CNBD1: variants seen among roughly 807,000 people sequenced by gnomAD.
The protein encoded by CNBD1 is cyclic nucleotide binding domain containing 1.
CNBD1 carries 71 observed loss-of-function variants against 54.4 expected under a neutral mutation model. That is an observed-to-expected ratio of 1.30 (90% confidence interval 1.08 to 1.59). The LOEUF is 1.59. CNBD1 is among the 40% of genes most tolerant of loss of function. The pLI, the probability that CNBD1 is intolerant of heterozygous loss-of-function variation, is 0.00. For missense variants in CNBD1, 659 were observed against 518.0 expected, an observed-to-expected ratio of 1.27 and a Z score of -2.64; for synonymous variants, 182 against 170.7, an observed-to-expected ratio of 1.07 and a Z score of -0.51.
chr8:87,227,280 A>G (rs1814523417), intron 5 of CNBD1, among the ~76,000 whole-genome samples: 2 of 146,882 alleles, frequency 1.4e-5, no homozygotes, highest in Non-Finnish European at 3.0e-5. Context: ...TGATCCTGTC[A>G]TTATGATGTT....
At chr8:87,042,230 G>C (rs968502450) in intron 4 of CNBD1, among the ~76,000 whole-genome samples, 4 of 152,158 alleles carry the variant, frequency 2.6e-5, no homozygotes, top group African/African-American at 7.2e-5. Context: ...CTTTGAATTT[G>C]TCTATTAAAT....
intron 4 of CNBD1, among the ~76,000 whole-genome samples, chr8:87,083,585 C>CTTTTT (rs752855766): frequency 1.7e-5 from 2 of 117,158 alleles, no homozygotes; most frequent in Non-Finnish European, 1.8e-5. Context: ...CAATGTATTT[C>CTTTTT]TTTTTTTTTT....
intron 4 of CNBD1, among the ~76,000 whole-genome samples, chr8:87,059,401 C>T (rs1031862219): frequency 6.6e-6 from 1 of 152,214 alleles, no homozygotes; most frequent in African/African-American, 2.4e-5. Context: ...CACCCTACTT[C>T]TGGTACAAAT....
intron 2 of CNBD1, among the ~76,000 whole-genome samples, chr8:86,904,682 G>A (rs775587021): frequency 2.1e-4 from 32 of 151,948 alleles, no homozygotes; most frequent in Non-Finnish European, 4.4e-4. Context: ...TACTGCCTGC[G>A]ATTTTAACAC....
intron 8 of CNBD1, among the ~76,000 whole-genome samples, chr8:87,316,506 G>T (rs539406122): frequency 6.6e-6 from 1 of 152,044 alleles, no homozygotes; most frequent in South Asian, 2.1e-4. Context: ...CCAAACCTAT[G>T]AAAAGTAAAA....
chr8:87,378,999 G>A (rs986286874), intron 10 of CNBD1, among the ~76,000 whole-genome samples: 3 of 149,388 alleles, frequency 2.0e-5, no homozygotes, highest in African/African-American at 7.5e-5. Context: ...TTTGCACATT[G>A]ATTTTGTAAA....
chr8:87,402,716 T>C (rs765248455), intron 2 of CNBD1, among the ~76,000 whole-genome samples: 5 of 152,074 alleles, frequency 3.3e-5, no homozygotes, highest in Admixed American at 6.6e-5. Context: ...GTTGTAATCA[T>C]CCAATTTTAA....
chr8:86,930,804 C>T (rs1464965261), intron 3 of CNBD1, among the ~76,000 whole-genome samples: 2 of 152,156 alleles, frequency 1.3e-5, no homozygotes, highest in Non-Finnish European at 2.9e-5. Context: ...TCTTACTAAG[C>T]CTTGAACTTT....
chr8:87,216,791 G>A (rs2060120), intron 5 of CNBD1, among the ~76,000 whole-genome samples: 86,368 of 151,942 alleles, frequency 0.57, 25,244 homozygotes, highest in African/African-American at 0.65. Context: ...ATAAAATTAA[G>A]CTATAGTATC....
intron 6 of CNBD1, among the ~76,000 whole-genome samples, chr8:87,255,041 G>C (rs28602182): frequency 0.29 from 43,407 of 151,892 alleles, 6,701 homozygotes; most frequent in African/African-American, 0.41. Context: ...GCCTATGTGC[G>C]AAAGAAGGGG....
intron 4 of CNBD1, among the ~76,000 whole-genome samples, chr8:87,003,899 CT>C (rs1809042272): frequency 1.3e-5 from 2 of 152,236 alleles, no homozygotes; most frequent in South Asian, 2.1e-4. Flanking sequence ...TCTCCTTTCT[CT>C]TGTACTCTAG....
At chr8:86,932,061 G>A (rs1379750796) in intron 3 of CNBD1, among the ~76,000 whole-genome samples, 1 of 152,074 alleles carries the variant, frequency 6.6e-6, no homozygotes, top group Non-Finnish European at 1.5e-5. Flanking sequence ...CCCTTTCTTT[G>A]GCTGTCATTC....
chr8:87,173,643 A>G (rs187328688), intron 4 of CNBD1, among the ~76,000 whole-genome samples: 1 of 148,586 alleles, frequency 6.7e-6, no homozygotes, highest in African/African-American at 2.5e-5. Flanking sequence ...TGCCAGACCT[A>G]TTGGAGCTCC....
At chr8:86,932,109 C>T (rs987707333) in intron 3 of CNBD1, among the ~76,000 whole-genome samples, 11 of 152,146 alleles carry the variant, frequency 7.2e-5, no homozygotes, top group African/African-American at 1.4e-4. Flanking sequence ...TCCAAAGTCT[C>T]GGGCTGCAGC....
intron 4 of CNBD1, among the ~76,000 whole-genome samples, chr8:86,960,650 C>T (rs529850922): frequency 1.5e-4 from 23 of 152,274 alleles, no homozygotes; most frequent in Admixed American, 5.9e-4. Flanking sequence ...TCTCCCAGCA[C>T]GGAGCTGGAG....
chr8:87,166,609 C>T lies in CNBD1; in HGVS notation c.432-39384C>T, dbSNP rs139737407. Among the ~76,000 whole-genome samples, 1 of 152,024 alleles carries T rather than the reference C, an allele frequency of 6.6e-6. No individual in the cohort carries two copies. The highest frequency in any genetic ancestry group is 2.4e-5 in the African/African-American group (1 of 41,514). On this transcript the variant is annotated intron_variant, in intron 4 of 10. Transcript: ENST00000518476. The surrounding 1 kb of genome is among the most constrained non-coding windows in gnomAD (Gnocchi z 4.3). ...CTCAATGTTCATTATTTCCAAAGTC[C>T]AGCCCTTCTCACAGTTCTCTGGCTC...
chr8:87,209,764 T>A (rs183423056), intron 5 of CNBD1, among the ~76,000 whole-genome samples: 7 of 152,270 alleles, frequency 4.6e-5, no homozygotes, highest in Admixed American at 2.0e-4. Flanking sequence ...CACTCTCTGA[T>A]TTCAAAATAC....
intron 4 of CNBD1, among the ~76,000 whole-genome samples, chr8:87,054,471 G>T (rs972699188): frequency 9.2e-5 from 14 of 152,102 alleles, no homozygotes; most frequent in African/African-American, 3.4e-4. Context: ...GAATCTCCCT[G>T]TTTCAAGAAA....
At chr8:87,266,832 T>C (rs1808268686) in intron 6 of CNBD1, among the ~76,000 whole-genome samples, 1 of 152,054 alleles carries the variant, frequency 6.6e-6, no homozygotes, top group Admixed American at 6.6e-5. Flanking sequence ...GGCAGTTGGT[T>C]ATACAGACAG....
Sources: allele counts gnomAD v4.1 joint callset (sites outside exome capture counted in the v4.1 genomes callset), GRCh38; gene constraint gnomAD v4.1.1; non-coding constraint Gnocchi (gnomAD v3.1); transcripts MANE v1.5; gene names NCBI Gene and HGNC (gene_info 2026-07-23, HGNC 2026-07-21).